DDX50: variants seen among roughly 807,000 people sequenced by gnomAD.
The protein encoded by DDX50 is ATP-dependent RNA helicase DDX50.
A neutral mutation model predicts 94.8 loss-of-function variants in DDX50; 56 were observed. That is an observed-to-expected ratio of 0.59 (90% CI 0.48 to 0.74). DDX50 has a LOEUF of 0.74. Among genes scored for constraint, DDX50 ranks in the 30% least tolerant of loss-of-function variants. The pLI, the probability that DDX50 is intolerant of heterozygous loss-of-function variation, is 0.00. For synonymous variants in DDX50, 264 were observed against 295.4 expected, an observed-to-expected ratio of 0.89 and a Z score of 1.09; for missense variants, 713 against 881.2, an observed-to-expected ratio of 0.81 and a Z score of 2.42.
chr10:68,921,161 T>C (rs1301207412), intron 8 of DDX50, among the ~76,000 whole-genome samples: 1 of 149,344 alleles, frequency 6.7e-6, no homozygotes, highest in African/African-American at 2.4e-5. Flanking sequence ...TGTTTGGTTA[T>C]GTATCTCTAA....
At chr10:68,919,050 A>G (rs1382278547) in intron 7 of DDX50, among the ~76,000 whole-genome samples, 1 of 152,170 alleles carries the variant, frequency 6.6e-6, no homozygotes, top group Non-Finnish European at 1.5e-5. Context: ...TTTGTAGCCT[A>G]GGAGCAATAG....
In DDX50 at chr10:68,913,222, A is replaced by C; in HGVS notation, c.700A>C (p.Ile234Leu). Residue 234 changes from isoleucine to leucine, a missense_variant, in exon 5 of 15, where the codon ATA (isoleucine) becomes CTA (leucine). Physicochemically the swap from Ile to Leu is conservative, Grantham distance 5. Coordinates refer to ENST00000373585, the MANE Select transcript of DDX50 (RefSeq NM_024045.2). ...ANQVAKDFKD[I>L]TRKLSVACFY... Reference sequence around the variant, plus strand: ...CCAAGTAGCCAAAGACTTCAAAGATATAACTAGGAAACTCAGCGTGGCGTG... The same window carrying C: ...CCAAGTAGCCAAAGACTTCAAAGATCTAACTAGGAAACTCAGCGTGGCGTG... 1 of 1,613,566 alleles carries C rather than the reference A, an allele frequency of 6.2e-7. No individual in the cohort carries two copies. Among genetic ancestry groups the C allele is most frequent in the South Asian group, 1.1e-5 (1 of 90,812 alleles).
chr10:68,915,886 ACAAT>A (rs1456727795), intron 7 of DDX50, among the ~76,000 whole-genome samples: 3 of 152,228 alleles, frequency 2.0e-5, no homozygotes, highest in African/African-American at 7.2e-5. Context: ...GTGGTTAAAA[ACAAT>A]CAGTGATAAA....
At position 68,908,180 on chromosome 10, in the gene DDX50, G is replaced by A. The variant is rs187242778; in HGVS notation, c.384+1173G>A. Among the ~76,000 whole-genome samples the A allele has an allele frequency of 5.5e-4, 84 of 152,316 alleles. No individual in the cohort carries two copies. The East Asian group carries it at 0.016, about 28-fold the overall frequency. Reference sequence around the variant, plus strand: ...AAAAGAAAAAAATAGGCTGGGCGCAGTGGCTCACGCCTGTAATCCCAGCAC... The same window carrying A: ...AAAAGAAAAAAATAGGCTGGGCGCAATGGCTCACGCCTGTAATCCCAGCAC... On this transcript the variant is annotated intron_variant, in intron 2 of 14. Transcript: ENST00000373585.
Position 68,901,322 on chromosome 10 carries a change from C to A in DDX50, c.-63C>A. On this transcript the variant is annotated 5_prime_UTR_variant, in exon 1 of 15. Coordinates refer to ENST00000373585, the MANE Select transcript of DDX50 (RefSeq NM_024045.2). ...GCCGCCTTGCCCCCGCTTCCTTTCA[C>A]GCTGTCGCTGCCCGTAGGTGGTTGT... The A allele has an allele frequency of 6.9e-7, 1 of 1,450,698 alleles. No homozygotes were observed. The highest frequency in any genetic ancestry group is 9.2e-7 in the Non-Finnish European group (1 of 1,088,530). 89.9% of individuals were successfully genotyped at this position (1,450,698 alleles called of 1,614,324 possible). A position where few individuals can be genotyped will look rare whatever the true frequency, so the allele number is the denominator to read the frequency against.
At chr10:68,935,031 G>A in intron 10 of DDX50, 113 bp downstream of exon 10, 1 of 1,331,386 alleles carries the variant, frequency 7.5e-7, no homozygotes, top group Non-Finnish European at 1.0e-6. Flanking sequence ...AGTTTAAGCT[G>A]CATTTGGCTG....
chr10:68,921,194 TAAC>T (rs1253143012), intron 8 of DDX50, among the ~76,000 whole-genome samples: 2 of 150,546 alleles, frequency 1.3e-5, no homozygotes, highest in African/African-American at 4.9e-5. Flanking sequence ...AAAAAAAAAA[TAAC>T]AATACTGTTA....
chr10:68,938,113 A>G (rs1237067370), intron 12 of DDX50, among the ~76,000 whole-genome samples: 1 of 151,914 alleles, frequency 6.6e-6, no homozygotes, highest in Non-Finnish European at 1.5e-5. Flanking sequence ...GTATTTGGAG[A>G]GAAATATAGG....
chr10:68,910,952 C>T, intron 3 of DDX50, 116 bp from the exon 4 acceptor site: 3 of 727,366 alleles, frequency 4.1e-6, no homozygotes, highest in South Asian at 4.3e-5. Flanking sequence ...AACTGTGTCA[C>T]CAGGTGGCAT....
intron 1 of DDX50, among the ~76,000 whole-genome samples, chr10:68,904,015 A>T (rs1336615091): frequency 6.7e-6 from 1 of 148,934 alleles, no homozygotes; most frequent in East Asian, 2.0e-4. Flanking sequence ...GTGGTGGCAG[A>T]CGCCTGTAAT....
intron 1 of DDX50, 102 bp from the exon 2 acceptor site, chr10:68,906,607 CTG>C (rs1396679311): frequency 1.6e-6 from 2 of 1,287,040 alleles, no homozygotes; most frequent in African/African-American, 3.0e-5. Flanking sequence ...TTCAAAGTAA[CTG>C]TAGATTGAGC....
At position 68,935,993 on chromosome 10, in the gene DDX50, CTTTCAT is replaced by C; in HGVS notation, c.1522-7_1522-2del. ...ACTTCCATTTTTCTTTAATGTAACT[CTTTCAT>C]TTTCAGGGAATTACTTTTAAACGTG... On this transcript the variant is annotated splice_region_variant and splice_polypyrimidine_tract_variant and intron_variant, in intron 10 of 14. Coordinates refer to ENST00000373585, the MANE Select transcript of DDX50 (RefSeq NM_024045.2). 1 of 1,572,836 alleles carries C rather than the reference CTTTCAT, an allele frequency of 6.4e-7. No individual in the cohort carries two copies. The highest frequency in any genetic ancestry group is 8.7e-7 in the Non-Finnish European group (1 of 1,155,296).
intron 8 of DDX50, among the ~76,000 whole-genome samples, chr10:68,922,628 A>G (rs1841970573): frequency 6.6e-6 from 1 of 152,002 alleles, no homozygotes. Context: ...CCCTGTCTCT[A>G]CAAAAAATAA....
In DDX50 at chr10:68,928,580, T is replaced by A. The variant is rs527844781; in HGVS notation, c.1240-5619T>A. 4.6e-5 allele frequency among the ~76,000 whole-genome samples: 7 copies of A among 152,306 alleles called. No homozygotes were observed. In the South Asian group the frequency reaches 6.2e-4, roughly 14 times the overall value. The stretch of plus-strand genomic sequence containing the variant: ...TTCTTTTCTTGAAGCAAGGAGTCAA[T>A]TAGTATAGGAATATAGAAGTATAGA... On this transcript the variant is annotated intron_variant, in intron 8 of 14. Coordinates refer to ENST00000373585, the MANE Select transcript of DDX50 (RefSeq NM_024045.2).
intron 2 of DDX50, 108 bp downstream of exon 2, chr10:68,907,115 C>A: frequency 8.9e-7 from 1 of 1,128,284 alleles, no homozygotes; most frequent in Non-Finnish European, 1.2e-6. Flanking sequence ...TGATTAGTGT[C>A]TAGTATTCTT....
chr10:68,912,913 A>G (rs1331790438), intron 4 of DDX50, among the ~76,000 whole-genome samples: 1 of 152,214 alleles, frequency 6.6e-6, no homozygotes, highest in African/African-American at 2.4e-5. Flanking sequence ...CTGAGGAGAA[A>G]TGATAAAGAG....
In DDX50 at chr10:68,934,089, C is replaced by A. The variant is rs2132054603; in HGVS notation, c.1240-110C>A. 9.3e-7 allele frequency: 1 copy of A among 1,079,130 alleles called. No homozygotes were observed. Among genetic ancestry groups the A allele is most frequent in the Non-Finnish European group, 1.3e-6 (1 of 792,612 alleles). The allele number at this position is 1,079,130 out of a possible 1,614,324, so 66.8% of individuals were successfully genotyped here. On this transcript the variant is annotated intron_variant, in intron 8 of 14. Transcript: ENST00000373585. The surrounding 1 kb of genome is among the most constrained non-coding windows in gnomAD (Gnocchi z 4.0). ...TACAGTAAGCATGCATTGTTAAAAT[C>A]ATCAAAGTAAGATTTAAAAACATGC...
Position 68,906,714 on chromosome 10 carries a change from G to GAACAA in DDX50, c.92_93insACAAA (p.Asp31GlufsTer38). The GAACAA allele has an allele frequency of 6.2e-7, 1 of 1,606,612 alleles. No individual in the cohort carries two copies. The highest frequency in any genetic ancestry group is 8.5e-7 in the Non-Finnish European group (1 of 1,178,406). ...TTGCTTCTTTGTTTGTTCACAGAGT[G>GAACAA]ACAGAAGGAAGTCAAGGCACCATTA... On this transcript the variant is annotated frameshift_variant, in exon 2 of 15. Coordinates refer to ENST00000373585, the MANE Select transcript of DDX50 (RefSeq NM_024045.2). LOFTEE classifies it high-confidence loss of function.
At chr10:68,901,815 C>T (rs10998479) in intron 1 of DDX50, among the ~76,000 whole-genome samples, 11,291 of 152,264 alleles carry the variant, frequency 0.074, 563 homozygotes, top group African/African-American at 0.13. Context: ...TTCATTGGCC[C>T]TCTTAGAAGA....
Sources: allele counts gnomAD v4.1 joint callset (sites outside exome capture counted in the v4.1 genomes callset), GRCh38; gene constraint gnomAD v4.1.1; non-coding constraint Gnocchi (gnomAD v3.1); transcripts MANE v1.5; gene names NCBI Gene and HGNC (gene_info 2026-07-23, HGNC 2026-07-21).